The following RBFOX1 variants were observed in gnomAD, a reference collection of about 807,000 sequenced individuals.
RBFOX1 encodes the protein RNA binding protein fox-1 homolog 1.
RBFOX1 carries 8 observed loss-of-function variants against 57.7 expected under a neutral mutation model. The observed-to-expected ratio is 0.14, with a 90% CI of 0.08 to 0.25. The LOEUF (loss-of-function observed/expected upper bound fraction) is 0.25. RBFOX1 is among the 10% of genes least tolerant of loss of function. RBFOX1 has a pLI of 1.00. For missense variants in RBFOX1, 611 were observed against 548.5 expected (o/e 1.11, Z -1.14); for synonymous variants, 326 against 222.4 (o/e 1.47, Z -4.15).
chr16:5,997,224 C>G (rs1334871785), intron 4 of RBFOX1, among the ~76,000 whole-genome samples: 1 of 152,218 alleles, frequency 6.6e-6, no homozygotes, highest in Non-Finnish European at 1.5e-5. Flanking sequence ...TGGTCCAGGT[C>G]AGCCTCCTGC....
Position 6,951,417 on chromosome 16 carries a change from C to G in RBFOX1, c.-15-100640C>G, listed in dbSNP as rs964226031. On this transcript the variant is annotated intron_variant, in intron 3 of 15. Transcript: ENST00000550418. ...AAAACAATAACGTACATTTATTTTA[C>G]TTAAGAATCTCATAATGGAGTCAGC... 2.0e-5 allele frequency among the ~76,000 whole-genome samples: 3 copies of G among 152,226 alleles called. No individual in the cohort carries two copies. The South Asian group carries it at 6.2e-4, about 32-fold the overall frequency.
chr16:5,577,813 A>G lies in RBFOX1; in HGVS notation c.259-21089A>G, dbSNP rs73517601. 3.3e-3 allele frequency among the ~76,000 whole-genome samples: 496 copies of G among 152,354 alleles called. 2 individuals are homozygous for G. Among genetic ancestry groups the G allele is most frequent in the African/African-American group, 0.011 (463 of 41,580 alleles). On this transcript the variant is annotated intron_variant, in intron 2 of 2. Transcript: ENST00000585867. ...TAATAGAAGCCATGAAGTGGAAGAC[A>G]TGGTTCTTCTTTAGGTTGGAAACTG...
intron 5 of RBFOX1, among the ~76,000 whole-genome samples, chr16:7,539,706 C>T (rs981720086): frequency 1.3e-5 from 2 of 152,134 alleles, no homozygotes; most frequent in African/African-American, 2.4e-5. Context: ...GCAGAGTAGT[C>T]TATTGCTTGG....
chr16:6,919,155 A>G (rs940712538), intron 3 of RBFOX1, among the ~76,000 whole-genome samples: 1 of 151,310 alleles, frequency 6.6e-6, no homozygotes, highest in African/African-American at 2.4e-5. Flanking sequence ...AGTTTTTTGT[A>G]TTGTTTTTTT....
intron 2 of RBFOX1, among the ~76,000 whole-genome samples, chr16:5,591,787 G>T (rs370481971): frequency 6.6e-6 from 1 of 152,122 alleles, no homozygotes; most frequent in Non-Finnish European, 1.5e-5. Context: ...TGGAATTTAT[G>T]TTGTTCCCAG....
chr16:7,040,236 G>T (rs962895762), intron 3 of RBFOX1, among the ~76,000 whole-genome samples: 1 of 151,812 alleles, frequency 6.6e-6, no homozygotes, highest in Non-Finnish European at 1.5e-5. Context: ...GGCCAGGATG[G>T]TCTCGATCTC....
chr16:6,834,147 C>T (rs1342773757), intron 3 of RBFOX1, among the ~76,000 whole-genome samples: 2 of 152,086 alleles, frequency 1.3e-5, no homozygotes, highest in East Asian at 1.9e-4. Context: ...CCACTCGGCT[C>T]ACCACAACCT....
intron 4 of RBFOX1, among the ~76,000 whole-genome samples, chr16:5,869,618 T>C (rs2057420370): frequency 6.6e-6 from 1 of 152,086 alleles, no homozygotes; most frequent in Non-Finnish European, 1.5e-5. Context: ...GCCAGGATGG[T>C]CTCTATCTCT....
Position 7,460,389 on chromosome 16 carries a change from A to ATATATATATATATATATATATGTG in RBFOX1, c.28-57757_28-57756insATATATATATATATATATATGTGT. 7.2e-3 allele frequency among the ~76,000 whole-genome samples: 626 copies of ATATATATATATATATATATATGTG among 86,946 alleles called. 9 individuals carry two copies. Among genetic ancestry groups the ATATATATATATATATATATATGTG allele is most frequent in the Admixed American group, 0.024 (171 of 7,216 alleles). The allele number at this position is 86,946 out of a possible 152,430, so 57.0% of individuals were successfully genotyped here. A position where few individuals can be genotyped will look rare whatever the true frequency, so the allele number is the denominator to read the frequency against. Reference sequence around the variant, plus strand: ...TAGCAAAATATATATATATATATATATGTGTGTGTGTGTGTGTGTGTGTGT... The same window carrying ATATATATATATATATATATATGTG: ...TAGCAAAATATATATATATATATATATATATATATATATATATATATGTGTGTGTGTGTGTGTGTGTGTGTGTGT... On this transcript the variant is annotated intron_variant, in intron 4 of 15. Coordinates refer to ENST00000550418, the MANE Select transcript of RBFOX1 (RefSeq NM_018723.4).
At chr16:6,636,799 TA>T (rs1567981769) in intron 2 of RBFOX1, among the ~76,000 whole-genome samples, 424 of 7,048 alleles carry the variant, frequency 0.06, 7 homozygotes, top group South Asian at 0.071. Context: ...TAATATATGT[TA>T]TATATAATAT....
intron 6 of RBFOX1, among the ~76,000 whole-genome samples, chr16:7,580,309 T>C (rs149894140): frequency 1.6e-4 from 25 of 152,332 alleles, no homozygotes; most frequent in Non-Finnish European, 3.2e-4. Flanking sequence ...AGTTGTCAAA[T>C]GATCCAGAGG....
At chr16:6,779,783 ATTTT>A (rs377383977) in intron 3 of RBFOX1, among the ~76,000 whole-genome samples, 1 of 16,430 alleles carries the variant, frequency 6.1e-5, no homozygotes, top group African/African-American at 5.2e-4. Flanking sequence ...ATTTATATAT[ATTTT>A]TATATATACT....
rs537097531 is a variant in RBFOX1 at position 7,431,954 on chromosome 16, C to T, written c.28-86193C>T. Among the ~76,000 whole-genome samples, 11 of 152,346 alleles carry T rather than the reference C, an allele frequency of 7.2e-5. No individual in the cohort carries two copies. The South Asian group carries it at 2.3e-3, about 32-fold the overall frequency. The stretch of plus-strand genomic sequence containing the variant: ...CACAAAAGATGATTTTCTCTGAGGC[C>T]TCATTACGGGATGCCAAGCATTCCC... On this transcript the variant is annotated intron_variant, in intron 4 of 15. Transcript: ENST00000550418.
chr16:6,844,134 CT>C (rs1323288027), intron 3 of RBFOX1, among the ~76,000 whole-genome samples: 2 of 49,728 alleles, frequency 4.0e-5, no homozygotes, highest in East Asian at 2.3e-3. Context: ...GCTTTTCTCT[CT>C]CTCCATCATT....
intron 2 of RBFOX1, among the ~76,000 whole-genome samples, chr16:6,644,657 G>A (rs1310049938): frequency 6.6e-6 from 1 of 152,150 alleles, no homozygotes; most frequent in African/African-American, 2.4e-5. Context: ...AAGCATCCTG[G>A]TCTTTTCTTT....
At chr16:5,902,547 C>CCACCCGAG (rs1485331133) in intron 4 of RBFOX1, among the ~76,000 whole-genome samples, 1 of 152,212 alleles carries the variant, frequency 6.6e-6, no homozygotes, top group Admixed American at 6.5e-5. Flanking sequence ...ACCCGAGTAG[C>CCACCCGAG]TGGGATTGCA....
intron 1 of RBFOX1, among the ~76,000 whole-genome samples, chr16:6,099,813 T>C (rs575265164): frequency 6.6e-6 from 1 of 152,314 alleles, no homozygotes; most frequent in South Asian, 2.1e-4. Flanking sequence ...ATCCTTCCCT[T>C]TTCTCAAAGA....
intron 3 of RBFOX1, among the ~76,000 whole-genome samples, chr16:6,750,219 C>T (rs963967065): frequency 6.6e-6 from 1 of 152,156 alleles, no homozygotes; most frequent in Non-Finnish European, 1.5e-5. Flanking sequence ...ATTGTGGGCT[C>T]TACCTGAGGG....
In RBFOX1 at chr16:6,896,136, G is replaced by A. The variant is rs185873759; in HGVS notation, c.-15-155921G>A. ...AAAACTACAAATATTAGCTGGCATTGGTGGTGGGTGTCTGTAATCCCAGCT... is the reference window on the plus strand; with the variant it reads ...AAAACTACAAATATTAGCTGGCATTAGTGGTGGGTGTCTGTAATCCCAGCT... On this transcript the variant is annotated intron_variant, in intron 3 of 15. Transcript: ENST00000550418. Among the ~76,000 whole-genome samples, 842 of 152,156 alleles carry A rather than the reference G, an allele frequency of 5.5e-3. 5 individuals are homozygous for A. The highest frequency in any genetic ancestry group is 0.018 in the African/African-American group (763 of 41,520).
Sources: gnomAD v4.1 joint callset for allele counts (sites outside exome capture counted in the v4.1 genomes callset) on GRCh38, gnomAD v4.1.1 for gene constraint, MANE v1.5 for transcripts, NCBI Gene and HGNC (gene_info 2026-07-23, HGNC 2026-07-21) for gene names.